The following PCSK5 variants were observed in gnomAD, a reference collection of about 807,000 sequenced individuals.
PCSK5 encodes proprotein convertase subtilisin/kexin type 5.
PCSK5 carries 129 observed loss-of-function variants against 233.2 expected under a neutral mutation model. The observed-to-expected ratio is 0.55, with a 90% confidence interval of 0.48 to 0.64. PCSK5 has a LOEUF of 0.64. Among genes scored for constraint, PCSK5 ranks in the 30% least tolerant of loss-of-function variants. The probability of loss-of-function intolerance (pLI) is 0.00; values close to 1 mark genes in which losing one functional copy is unlikely to be tolerated. For missense variants in PCSK5, 2,076 were observed against 2,430.1 expected (o/e 0.85, Z 3.06); for synonymous variants, 825 against 879.2 (o/e 0.94, Z 1.09).
At chr9:75,931,247 A>AATT (rs1823779554) in intron 1 of PCSK5, among the ~76,000 whole-genome samples, 1 of 114,282 alleles carries the variant, frequency 8.8e-6, no homozygotes, top group Non-Finnish European at 1.9e-5. Flanking sequence ...ATGGGCCAAG[A>AATT]CTTTTTTTTT....
Position 76,321,606 on chromosome 9 carries a change from T to C in PCSK5, c.4069T>C (p.Cys1357Arg), listed in dbSNP as rs1468236582. 1.2e-5 allele frequency: 19 copies of C among 1,612,326 alleles called. No individual in the cohort carries two copies. In the South Asian group the frequency reaches 1.8e-4, roughly 15 times the overall value. Residue 1357 changes from cysteine (C) to arginine (R), a missense_variant, in exon 31 of 38, where the codon TGT becomes CGT. Cys to Arg is a radical substitution (Grantham distance 180, BLOSUM62 -3). Coordinates refer to ENST00000674117, the MANE Select transcript of PCSK5 (RefSeq NM_001372043.1). ...GGTATGCAAGCATTGCCCAGAGATGTGTCAGGACTGCATCCATGAGAAAAC... is the reference window on the plus strand; with the variant it reads ...GGTATGCAAGCATTGCCCAGAGATGCGTCAGGACTGCATCCATGAGAAAAC... ...KGVCKHCPEM[C>R]QDCIHEKTCK...
chr9:75,891,180 C>T lies in PCSK5; in HGVS notation c.-2C>T, dbSNP rs1825578196. On this transcript the variant is annotated 5_prime_UTR_variant, in exon 1 of 38. Coordinates refer to ENST00000674117, the MANE Select transcript of PCSK5 (RefSeq NM_001372043.1). ...GCGAGGGAGCAGCGAGGCGCCGGGACCATGGGCTGGGGGAGCCGCTGCTGC... is the reference window on the plus strand; with the variant it reads ...GCGAGGGAGCAGCGAGGCGCCGGGATCATGGGCTGGGGGAGCCGCTGCTGC... The T allele has an allele frequency of 3.4e-6, 5 of 1,467,452 alleles. No homozygotes were observed. Among genetic ancestry groups the T allele is most frequent in the Admixed American group, 2.9e-5 (1 of 34,156 alleles). 90.9% of individuals were successfully genotyped at this position (1,467,452 alleles called of 1,614,324 possible). A position where few individuals can be genotyped will look rare whatever the true frequency, so the allele number is the denominator to read the frequency against.
At chr9:75,925,222 A>G (rs1026208817) in intron 1 of PCSK5, among the ~76,000 whole-genome samples, 1 of 152,154 alleles carries the variant, frequency 6.6e-6, no homozygotes, top group Non-Finnish European at 1.5e-5. Flanking sequence ...TTAATTTCAG[A>G]TATATTTTTA....
chr9:75,891,069 C>CTGCGGCGGCCCGGGGCTGCGAGT lies in PCSK5; in HGVS notation c.-94_-93insGAGTTGCGGCGGCCCGGGGCTGC. The CTGCGGCGGCCCGGGGCTGCGAGT allele has an allele frequency of 1.0e-6, 1 of 1,004,986 alleles. No individual in the cohort carries two copies. The highest frequency in any genetic ancestry group is 1.3e-6 in the Non-Finnish European group (1 of 753,012). 62.3% of individuals were successfully genotyped at this position (1,004,986 alleles called of 1,614,324 possible). ...CCTGCCGATCGCCCGGGGCTGCGAG[C>CTGCGGCGGCCCGGGGCTGCGAGT]TGCGGCGGCCCGGGGCTGCTCGCCG... On this transcript the variant is annotated 5_prime_UTR_variant, in exon 1 of 38. Coordinates refer to ENST00000674117, the MANE Select transcript of PCSK5 (RefSeq NM_001372043.1).
At chr9:76,352,888 C>A (rs1269610065) in intron 36 of PCSK5, among the ~76,000 whole-genome samples, 3 of 147,136 alleles carry the variant, frequency 2.0e-5, no homozygotes, top group African/African-American at 2.5e-5. Flanking sequence ...ACAAAAAATA[C>A]AAAAAAAAAA....
chr9:76,262,149 A>T (rs1439107573), intron 24 of PCSK5, among the ~76,000 whole-genome samples: 1 of 152,192 alleles, frequency 6.6e-6, no homozygotes, highest in Non-Finnish European at 1.5e-5. Flanking sequence ...ATGGAAGAAC[A>T]TTCCATGCTC....
chr9:76,012,608 C>T (rs981645129), intron 3 of PCSK5, among the ~76,000 whole-genome samples: 4 of 152,162 alleles, frequency 2.6e-5, no homozygotes, highest in East Asian at 3.8e-4. Flanking sequence ...TTCTAAGCAG[C>T]GCACCTTTAT....
At chr9:76,258,386 T>C (rs1325415364) in intron 24 of PCSK5, among the ~76,000 whole-genome samples, 2 of 152,040 alleles carry the variant, frequency 1.3e-5, no homozygotes, top group African/African-American at 4.8e-5. Flanking sequence ...GGTTTGGAGG[T>C]GAGTCTTGAG....
chr9:75,911,421 C>G (rs905879831), intron 1 of PCSK5, among the ~76,000 whole-genome samples: 1 of 151,954 alleles, frequency 6.6e-6, no homozygotes, highest in African/African-American at 2.4e-5. Context: ...TTCTGTCCTT[C>G]AACATTCATT....
At chr9:75,907,128 T>C (rs895446688) in intron 1 of PCSK5, among the ~76,000 whole-genome samples, 8 of 152,214 alleles carry the variant, frequency 5.3e-5, no homozygotes, top group African/African-American at 1.9e-4. Context: ...ATTTTTAACT[T>C]CATTGACTTG....
chr9:76,343,331 ATTTGTGTG>A lies in PCSK5; in HGVS notation c.4966+4886_4966+4893del, dbSNP rs1365417101. Among the ~76,000 whole-genome samples, 270 of 85,686 alleles carry A rather than the reference ATTTGTGTG, an allele frequency of 3.2e-3. 2 individuals carry two copies. Among genetic ancestry groups the A allele is most frequent in the African/African-American group, 9.9e-3 (244 of 24,766 alleles). 56.2% of individuals were successfully genotyped at this position (85,686 alleles called of 152,430 possible). A position where few individuals can be genotyped will look rare whatever the true frequency, so the allele number is the denominator to read the frequency against. ...AGGCACACACCACCGCACCTGGGTA[ATTTGTGTG>A]TGTGTGTGTGTGTGTGTGTGTGTGT... On this transcript the variant is annotated intron_variant, in intron 35 of 37. Transcript: ENST00000674117.
chr9:76,348,927 C>T (rs977591137), intron 35 of PCSK5, among the ~76,000 whole-genome samples: 5 of 151,846 alleles, frequency 3.3e-5, no homozygotes, highest in African/African-American at 1.2e-4. Flanking sequence ...TTAAAAAAAA[C>T]TCTCTTGTAT....
chr9:76,056,396 G>A (rs775380538), intron 5 of PCSK5, among the ~76,000 whole-genome samples: 11 of 152,220 alleles, frequency 7.2e-5, no homozygotes, highest in African/African-American at 1.7e-4. Flanking sequence ...TCTCAAAGCC[G>A]TGTGAGGAGA....
At chr9:75,930,919 C>T (rs887367707) in intron 1 of PCSK5, among the ~76,000 whole-genome samples, 9 of 152,206 alleles carry the variant, frequency 5.9e-5, no homozygotes, top group African/African-American at 2.2e-4. Flanking sequence ...CTGGGGCTGG[C>T]ATCTGTGCCC....
At chr9:76,082,101 C>T (rs1282861062) in intron 7 of PCSK5, among the ~76,000 whole-genome samples, 1 of 151,976 alleles carries the variant, frequency 6.6e-6, no homozygotes, top group Admixed American at 6.6e-5. Context: ...CTTAGTAGGG[C>T]ATATAGGTTC....
intron 5 of PCSK5, among the ~76,000 whole-genome samples, chr9:76,063,257 C>A (rs1048196228): frequency 2.7e-5 from 4 of 150,032 alleles, no homozygotes; most frequent in Non-Finnish European, 5.9e-5. Context: ...ACCTTAGCCT[C>A]CTGAGTATGT....
intron 35 of PCSK5, among the ~76,000 whole-genome samples, chr9:76,346,396 A>G: frequency 6.6e-6 from 1 of 152,168 alleles, no homozygotes; most frequent in East Asian, 1.9e-4. Context: ...GTTCATCCAC[A>G]TAGTATCCTT....
Position 75,934,644 on chromosome 9 carries a change from C to T in PCSK5, c.297+2161C>T, listed in dbSNP as rs1041424647. 4.0e-5 allele frequency among the ~76,000 whole-genome samples: 6 copies of T among 151,688 alleles called. No homozygotes were observed. In the East Asian group the frequency reaches 5.8e-4, roughly 15 times the overall value. On this transcript the variant is annotated intron_variant, in intron 2 of 37. Transcript: ENST00000674117. ...TTGCCCAGGCTGGAGTGCAATGGCG[C>T]GATCTCAGCTCACTACAACCTCCAA...
intron 37 of PCSK5, among the ~76,000 whole-genome samples, chr9:76,357,946 A>T (rs1287888629): frequency 6.6e-6 from 1 of 152,220 alleles, no homozygotes; most frequent in Non-Finnish European, 1.5e-5. Flanking sequence ...CTTAGAAAAG[A>T]AGTTGGAATT....
Sources: gnomAD v4.1 joint callset for allele counts (sites outside exome capture counted in the v4.1 genomes callset) on GRCh38, gnomAD v4.1.1 for gene constraint, MANE v1.5 for transcripts, NCBI Gene and HGNC (gene_info 2026-07-23, HGNC 2026-07-21) for gene names.